Variants in NFATC3 observed in about 807,000 individuals in gnomAD.
NFATC3 encodes the protein nuclear factor of activated T-cells, cytoplasmic 3.
In NFATC3, 46 loss-of-function variants were observed where a neutral mutation model predicts 98.6. That is an observed-to-expected ratio of 0.47 (90% CI 0.37 to 0.60). The LOEUF is 0.60. Ranked by LOEUF, NFATC3 falls within the 20% of genes least tolerant of loss-of-function variation. The pLI is 0.00. For missense variants in NFATC3, 1,256 were observed against 1,295.5 expected (o/e 0.97, Z 0.47); for synonymous variants, 512 against 472.2 (o/e 1.08, Z -1.09).
chr16:68,135,668 C>G (rs2037364773), intron 3 of NFATC3, among the ~76,000 whole-genome samples: 3 of 152,044 alleles, frequency 2.0e-5, no homozygotes, highest in Non-Finnish European at 4.4e-5. Flanking sequence ...TTTTCAGTTA[C>G]TAGAATTGGA....
intron 7 of NFATC3, among the ~76,000 whole-genome samples, chr16:68,181,749 G>A (rs145437221): frequency 6.6e-6 from 1 of 152,172 alleles, no homozygotes; most frequent in Non-Finnish European, 1.5e-5. Context: ...GAGCAACATG[G>A]TAAAACCCTG....
chr16:68,175,402 A>C (rs2039644738), intron 6 of NFATC3, among the ~76,000 whole-genome samples: 1 of 152,228 alleles, frequency 6.6e-6, no homozygotes, highest in African/African-American at 2.4e-5. Context: ...ATACTTTAAA[A>C]GGATGGATTT....
At chr16:68,109,500 A>G (rs1251284236) in intron 1 of NFATC3, among the ~76,000 whole-genome samples, 1 of 152,120 alleles carries the variant, frequency 6.6e-6, no homozygotes, top group African/African-American at 2.4e-5. Flanking sequence ...GGATTTTGGG[A>G]TCAATGTTCA....
chr16:68,104,521 G>A (rs976752346), intron 1 of NFATC3, among the ~76,000 whole-genome samples: 2 of 152,004 alleles, frequency 1.3e-5, no homozygotes, highest in African/African-American at 4.8e-5. Flanking sequence ...TTCCTTGATT[G>A]CCCTGGGTAG....
rs749427590 is a variant in NFATC3 at position 68,191,356 on chromosome 16, C to T, written c.2687C>T (p.Ser896Phe). The T allele has an allele frequency of 1.5e-5, 25 of 1,614,040 alleles. No homozygotes were observed. The highest frequency in any genetic ancestry group is 1.2e-4 in the South Asian group (11 of 91,092). The stretch of plus-strand genomic sequence containing the variant: ...AATACAGGACAAAGATCTCTTTCTT[C>T]TCCAGTGGCTGACCAGATTACAGGT... ...CSNTGQRSLS[S>F]PVADQITGQP... The change falls in exon 9 of 10, where the codon TCT becomes TTT. Residue 896 changes from serine (S) to phenylalanine (F), a missense_variant. By Grantham distance (155) the Ser-to-Phe change is radical. Coordinates refer to ENST00000346183, the MANE Select transcript of NFATC3 (RefSeq NM_173165.3).
At chr16:68,211,030 C>T (rs1044571388) in intron 9 of NFATC3, among the ~76,000 whole-genome samples, 2 of 152,068 alleles carry the variant, frequency 1.3e-5, no homozygotes, top group African/African-American at 4.8e-5. Flanking sequence ...GATCCACCCA[C>T]CTTAGCCTCC....
At chr16:68,214,696 G>A (rs1423556948) in intron 9 of NFATC3, among the ~76,000 whole-genome samples, 1 of 152,232 alleles carries the variant, frequency 6.6e-6, no homozygotes, top group African/African-American at 2.4e-5. Flanking sequence ...AAAGCAGAAA[G>A]AGGTTTCGTA....
At chr16:68,152,251 T>C (rs1359424402) in intron 3 of NFATC3, among the ~76,000 whole-genome samples, 1 of 149,644 alleles carries the variant, frequency 6.7e-6, no homozygotes, top group Non-Finnish European at 1.5e-5. Flanking sequence ...TGGTAGTATG[T>C]GCCTGCAGTC....
At chr16:68,102,320 C>T (rs144266673) in intron 1 of NFATC3, among the ~76,000 whole-genome samples, 4,386 of 135,010 alleles carry the variant, frequency 0.032, 197 homozygotes, top group African/African-American at 0.11. Flanking sequence ...TGCAGTGAGC[C>T]GAGATTGCAC....
At chr16:68,192,228 AAAATATAT>A (rs1292444790) in intron 9 of NFATC3, 1 of 72,524 alleles carries the variant, frequency 1.4e-5, no homozygotes, top group African/African-American at 6.4e-5. Context: ...AAAAAAAAAA[AAAATATAT>A]ATATATATAT....
chr16:68,157,110 T>C (rs2038657555), intron 3 of NFATC3, among the ~76,000 whole-genome samples: 1 of 151,740 alleles, frequency 6.6e-6, no homozygotes, highest in Non-Finnish European at 1.5e-5. Flanking sequence ...GATTCAGCCT[T>C]ATGCTAGAAG....
At chr16:68,208,942 C>A (rs962388130) in intron 9 of NFATC3, among the ~76,000 whole-genome samples, 30 of 152,162 alleles carry the variant, frequency 2.0e-4, no homozygotes, top group African/African-American at 6.3e-4. Flanking sequence ...AGATAATTTT[C>A]TCTCTTCCTT....
Position 68,085,732 on chromosome 16 carries a change from CT to C in NFATC3, c.54del (p.Phe18LeufsTer32). 1 of 1,512,040 alleles carries C rather than the reference CT, an allele frequency of 6.6e-7. No individual in the cohort carries two copies. The highest frequency in any genetic ancestry group is 8.8e-7 in the Non-Finnish European group (1 of 1,132,514). The allele number at this position is 1,512,040 out of a possible 1,614,324, so 93.7% of individuals were successfully genotyped here. A position where few individuals can be genotyped will look rare whatever the true frequency, so the allele number is the denominator to read the frequency against. ...ACGACGAGCTCGACTTCAAACTCGTCTTTGGCGAGGACGGGGCGCCGGCGCC... is the reference window on the plus strand; with the variant it reads ...ACGACGAGCTCGACTTCAAACTCGTCTTGGCGAGGACGGGGCGCCGGCGCC... ...AHDELDFKLV[F>X]GEDGAPAPPP... On this transcript the variant is annotated frameshift_variant, in exon 1 of 10. Coordinates refer to ENST00000346183, the MANE Select transcript of NFATC3 (RefSeq NM_173165.3). LOFTEE classifies it high-confidence loss of function.
chr16:68,174,655 C>G (rs755429884), intron 6 of NFATC3, 141 bp downstream of exon 6: 95 of 625,990 alleles, frequency 1.5e-4, no homozygotes, highest in Non-Finnish European at 2.2e-4. Context: ...TATTTTAAAC[C>G]AAACATTTAT....
chr16:68,111,754 C>T (rs1225681711), intron 1 of NFATC3, among the ~76,000 whole-genome samples: 3 of 152,130 alleles, frequency 2.0e-5, no homozygotes, highest in Non-Finnish European at 4.4e-5. Context: ...TTTGTAGTGG[C>T]TGATAATGGT....
chr16:68,163,164 G>A (rs1034047774), intron 4 of NFATC3, among the ~76,000 whole-genome samples: 12 of 152,188 alleles, frequency 7.9e-5, no homozygotes, highest in Admixed American at 7.2e-4. Context: ...GCAACCATCC[G>A]ATTTCTCAAT....
chr16:68,177,316 C>T (rs2039764118), intron 6 of NFATC3, among the ~76,000 whole-genome samples: 1 of 152,086 alleles, frequency 6.6e-6, no homozygotes, highest in Non-Finnish European at 1.5e-5. Flanking sequence ...CTCCCAAAGT[C>T]CTTGGATTAC....
At chr16:68,113,381 C>T (rs1303260807) in intron 1 of NFATC3, among the ~76,000 whole-genome samples, 1 of 152,190 alleles carries the variant, frequency 6.6e-6, no homozygotes, top group African/African-American at 2.4e-5. Context: ...GGGGACCACT[C>T]CTGACCTAAT....
intron 1 of NFATC3, among the ~76,000 whole-genome samples, chr16:68,120,855 C>A (rs937274416): frequency 1.3e-5 from 2 of 152,122 alleles, no homozygotes; most frequent in African/African-American, 4.8e-5. Flanking sequence ...ATAATATATA[C>A]AGGTCATATT....
Sources: gnomAD v4.1 joint callset for allele counts (sites outside exome capture counted in the v4.1 genomes callset) on GRCh38, gnomAD v4.1.1 for gene constraint, MANE v1.5 for transcripts, NCBI Gene and HGNC (gene_info 2026-07-23, HGNC 2026-07-21) for gene names.